DNASE1: variants seen among roughly 807,000 people sequenced by gnomAD.
The protein encoded by DNASE1 is deoxyribonuclease 1, also known as deoxyribonuclease-1.
A neutral mutation model predicts 33.9 loss-of-function variants in DNASE1; 40 were observed. That is an observed-to-expected ratio of 1.18 (90% CI 0.92 to 1.54). The LOEUF (loss-of-function observed/expected upper bound fraction) is 1.54, where lower values mean the gene tolerates loss of function less well. DNASE1 is among the 40% of genes most tolerant of loss of function. DNASE1 has a pLI of 0.00. For missense variants in DNASE1, 518 were observed against 372.6 expected, an observed-to-expected ratio of 1.39 and a Z score of -3.21; for synonymous variants, 216 against 160.0, an observed-to-expected ratio of 1.35 and a Z score of -2.64.
Position 3,656,772 on chromosome 16 carries a change from AGGGTG to A in DNASE1, c.436+23_436+27del. 1 of 1,591,306 alleles carries A rather than the reference AGGGTG, an allele frequency of 6.3e-7. No individual in the cohort carries two copies. Among genetic ancestry groups the A allele is most frequent in the Non-Finnish European group, 8.6e-7 (1 of 1,168,930 alleles). ...TTCACAGGTGGGTGCTGCCTGGGCC[AGGGTG>A]GGGCTCGGCTTGGCGCTTATGGCCT... On this transcript the variant is annotated intron_variant, in intron 5 of 8. Coordinates refer to ENST00000246949, the MANE Select transcript of DNASE1 (RefSeq NM_005223.4).
rs1223035513 is a variant in DNASE1 at position 3,658,020 on chromosome 16, A to G, written c.*67A>G. 6.8e-6 allele frequency: 11 copies of G among 1,611,354 alleles called. No homozygotes were observed. Among genetic ancestry groups the G allele is most frequent in the Non-Finnish European group, 9.3e-6 (11 of 1,178,634 alleles). On this transcript the variant is annotated 3_prime_UTR_variant, in exon 9 of 9. Coordinates refer to ENST00000246949, the MANE Select transcript of DNASE1 (RefSeq NM_005223.4). ...CCCATCCTGCCACAGGACCCAGAAA[A>G]AAAGCCCAACACACACTCGGGTTAA...
chr16:3,657,371 T>C (rs755325026), intron 7 of DNASE1, 30 bp downstream of exon 7: 1 of 1,608,454 alleles, frequency 6.2e-7, no homozygotes, highest in Non-Finnish European at 8.5e-7. Flanking sequence ...TAGGGCAGAC[T>C]GAGGGCACCT....
chr16:3,662,692 G>A (rs1203396435), downstream of DNASE1: 3 of 698,768 alleles, frequency 4.3e-6, no homozygotes, highest in African/African-American at 1.7e-5. Context: ...GAAAGACACG[G>A]CCTTCCTGCC....
intron 1 of DNASE1, among the ~76,000 whole-genome samples, chr16:3,612,493 C>T (rs1322220813): frequency 2.0e-5 from 3 of 150,952 alleles, no homozygotes; most frequent in Non-Finnish European, 2.9e-5. Flanking sequence ...TCAGGTGATC[C>T]GCCCGCCTCG....
At chr16:3,658,634 C>G, downstream of DNASE1, 1 of 708,326 alleles carries the variant, frequency 1.4e-6, no homozygotes, top group East Asian at 2.8e-5. Flanking sequence ...GATCGCGCCA[C>G]TGCACTCCAG....
Position 3,663,897 on chromosome 16 carries a change from TA to T in DNASE1, c.*5945del. ...GACCAACATGGTGAAATGCCGTCTC[TA>T]TTAAAAATACAAAAATTTGCTGGGT... is the stretch of plus-strand genomic sequence containing the variant. On this transcript the variant is annotated 3_prime_UTR_variant, in exon 10 of 10. Transcript: ENST00000407479. 4 of 360,184 alleles carry T rather than the reference TA, an allele frequency of 1.1e-5. No homozygotes were observed. The South Asian group carries it at 1.4e-4, about 13-fold the overall frequency. The allele number at this position is 360,184 out of a possible 1,614,324, so 22.3% of individuals were successfully genotyped here.
At chr16:3,633,632 C>T (rs1377617034) in intron 1 of DNASE1, among the ~76,000 whole-genome samples, 1 of 149,634 alleles carries the variant, frequency 6.7e-6, no homozygotes, top group Non-Finnish European at 1.5e-5. Context: ...AAAAAAAAGT[C>T]TTTGCCCTTG....
upstream of DNASE1, among the ~76,000 whole-genome samples, chr16:3,640,085 T>C (rs1250771396): frequency 2.0e-5 from 3 of 152,210 alleles, no homozygotes; most frequent in Non-Finnish European, 4.4e-5. Context: ...GGTGATGGCC[T>C]TCTGCGGAGT....
chr16:3,625,431 T>C (rs1171264084), intron 1 of DNASE1, among the ~76,000 whole-genome samples: 3 of 152,206 alleles, frequency 2.0e-5, no homozygotes, highest in East Asian at 3.9e-4. Flanking sequence ...CAGCCTGGGC[T>C]GTGTAGTGAG....
downstream of DNASE1, chr16:3,662,085 C>G (rs1456250250): frequency 1.2e-6 from 2 of 1,613,202 alleles, no homozygotes; most frequent in African/African-American, 2.7e-5. Flanking sequence ...CAGCCCCCAT[C>G]TCCAGCACGG....
intron 4 of DNASE1, 123 bp from the exon 5 acceptor site, chr16:3,656,515 G>T (rs1026313348): frequency 7.1e-6 from 5 of 704,144 alleles, no homozygotes; most frequent in Non-Finnish European, 1.3e-5. Context: ...GGACCAATGG[G>T]TTGAGCAGGT....
chr16:3,658,252 CCATTATGAGGGGCATGGGG>C (rs759940743), downstream of DNASE1: 43 of 1,592,964 alleles, frequency 2.7e-5, 1 homozygote, highest in South Asian at 4.1e-4. Context: ...GAGGAGAAAC[CCATTATGAGGGGCATGGGG>C]CACCTTTTCA....
In DNASE1 at chr16:3,655,469, A is replaced by G. The variant is rs8176930; in HGVS notation, c.96A>G (p.Thr32=). 97 of 1,614,030 alleles carry G rather than the reference A, an allele frequency of 6.0e-5. No individual in the cohort carries two copies. The highest frequency in any genetic ancestry group is 8.1e-5 in the Non-Finnish European group (95 of 1,180,042). Residue 32 remains threonine (T), a synonymous_variant, in exon 2 of 9, where the codon ACA becomes ACG. Transcript: ENST00000246949. The stretch of plus-strand genomic sequence containing the variant: ...AGATCGCAGCCTTCAACATCCAGAC[A>G]TTTGGGGAGACCAAGATGTCCAATG... ...SLKIAAFNIQ[T]FGETKMSNAT...
At chr16:3,626,624 C>A (rs2041520855) in intron 1 of DNASE1, among the ~76,000 whole-genome samples, 1 of 152,144 alleles carries the variant, frequency 6.6e-6, no homozygotes, top group African/African-American at 2.4e-5. Flanking sequence ...GTGGAGTGTC[C>A]TCTAGATGTC....
rs550038568 is a variant in DNASE1, at chr16:3,645,592, G to A, written c.-86+2556G>A. Among the ~76,000 whole-genome samples, 5 of 152,346 alleles carry A rather than the reference G, an allele frequency of 3.3e-5. No individual in the cohort carries two copies. The South Asian group carries it at 8.3e-4, about 25-fold the overall frequency. ...GCGTGTGGGGAGGGACGGGGCAGCCGGCGGAGGCTGAGCCAACATGCCGTG... is the reference window on the plus strand; with the variant it reads ...GCGTGTGGGGAGGGACGGGGCAGCCAGCGGAGGCTGAGCCAACATGCCGTG... On this transcript the variant is annotated intron_variant, in intron 1 of 9. Coordinates refer to the DNASE1 transcript ENST00000407479.
chr16:3,645,835 G>A (rs980958827), intron 1 of DNASE1, among the ~76,000 whole-genome samples: 36 of 152,210 alleles, frequency 2.4e-4, no homozygotes, highest in African/African-American at 8.2e-4. Flanking sequence ...GAGGGATGGC[G>A]CAACCAGGCT....
At chr16:3,648,397 C>T (rs1051612390) in intron 1 of DNASE1, among the ~76,000 whole-genome samples, 2 of 152,174 alleles carry the variant, frequency 1.3e-5, no homozygotes, top group Admixed American at 6.5e-5. Context: ...CCCGTCTCTA[C>T]TAAAAATACA....
chr16:3,636,209 T>C (rs948558356), intron 1 of DNASE1, among the ~76,000 whole-genome samples: 1 of 151,960 alleles, frequency 6.6e-6, no homozygotes, highest in African/African-American at 2.4e-5. Context: ...TGACTGTATC[T>C]AATCGATGAA....
downstream of DNASE1, chr16:3,659,311 G>T (rs551442333): frequency 6.4e-6 from 1 of 155,874 alleles, no homozygotes; most frequent in East Asian, 1.9e-4. Context: ...GTATTTCACA[G>T]AAGAGGGAGG....
Sources: allele counts gnomAD v4.1 joint callset (sites outside exome capture counted in the v4.1 genomes callset), GRCh38; gene constraint gnomAD v4.1.1; transcripts MANE v1.5; gene names NCBI Gene and HGNC (gene_info 2026-07-23, HGNC 2026-07-21).